The following SCG5 variants were observed in gnomAD, a reference collection of about 807,000 sequenced individuals.
The protein encoded by SCG5 is secretogranin V.
SCG5 carries 18 observed loss-of-function variants against 25.7 expected under a neutral mutation model. That is an observed-to-expected ratio of 0.70 (90% CI 0.48 to 1.04). The LOEUF (loss-of-function observed/expected upper bound fraction) is 1.04, where lower values mean the gene tolerates loss of function less well. Ranked by LOEUF, SCG5 falls within the 50% of genes least tolerant of loss-of-function variation. The pLI is 0.00. For missense variants in SCG5, 206 were observed against 259.8 expected, an observed-to-expected ratio of 0.79 and a Z score of 1.42; for synonymous variants, 101 against 91.7, an observed-to-expected ratio of 1.10 and a Z score of -0.58.
At chr15:32,668,848 C>G (rs1349061261) in intron 2 of SCG5, among the ~76,000 whole-genome samples, 1 of 152,230 alleles carries the variant, frequency 6.6e-6, no homozygotes, top group Non-Finnish European at 1.5e-5. Context: ...CTGCAGATCT[C>G]CTTTACTCGT....
chr15:32,663,066 TATATATATATATAATATATA>T (rs2054257844), intron 2 of SCG5, among the ~76,000 whole-genome samples: 1 of 50,830 alleles, frequency 2.0e-5, no homozygotes, highest in Admixed American at 1.8e-4. Context: ...TATATATATA[TATATATATATATAATATATA>T]ATATGTTATA....
chr15:32,678,288 A>T (rs1437862797), intron 2 of SCG5, among the ~76,000 whole-genome samples: 1 of 152,228 alleles, frequency 6.6e-6, no homozygotes, highest in African/African-American at 2.4e-5. Flanking sequence ...ACATGGGAAA[A>T]TATTTTCAGA....
intron 2 of SCG5, chr15:32,666,537 A>G (rs2054320812): frequency 6.6e-6 from 1 of 152,218 alleles, no homozygotes; most frequent in African/African-American, 2.4e-5. Flanking sequence ...CTATGTTTGT[A>G]CCAGTTAATC....
intron 2 of SCG5, among the ~76,000 whole-genome samples, chr15:32,667,664 T>A (rs1210700160): frequency 7.4e-6 from 1 of 134,648 alleles, no homozygotes; most frequent in Non-Finnish European, 1.5e-5. Context: ...GTTTGGTTTG[T>A]TGTAGTTTTA....
rs67213212 is a variant in SCG5 at position 32,667,111 on chromosome 15, T to TAA, written c.227-12654_227-12653insAA. Among the ~76,000 whole-genome samples the TAA allele has an allele frequency of 5.5e-3, 837 of 152,286 alleles. 8 individuals are homozygous for TAA. Among genetic ancestry groups the TAA allele is most frequent in the African/African-American group, 0.019 (799 of 41,550 alleles). On this transcript the variant is annotated intron_variant, in intron 2 of 5. Coordinates refer to ENST00000300175, the MANE Select transcript of SCG5 (RefSeq NM_001144757.3). The stretch of plus-strand genomic sequence containing the variant: ...ATTTGGATATATTGGGATTAAAAAT[T>TAA]ATTTAATTTCACTATTTCTTTTTAC...
At chr15:32,663,092 TTATA>T (rs1227381254) in intron 2 of SCG5, among the ~76,000 whole-genome samples, 1 of 139,278 alleles carries the variant, frequency 7.2e-6, no homozygotes, top group South Asian at 2.3e-4. Flanking sequence ...ATATAATATG[TTATA>T]TATACACATA....
intron 4 of SCG5, among the ~76,000 whole-genome samples, chr15:32,685,091 A>T (rs2140584329): frequency 6.6e-6 from 1 of 152,366 alleles, no homozygotes; most frequent in South Asian, 2.1e-4. Flanking sequence ...GGGAATAAAG[A>T]TGCCAGAGCT....
intron 2 of SCG5, 59 bp downstream of exon 2, chr15:32,643,877 C>T (rs2053905064): frequency 2.1e-6 from 3 of 1,405,410 alleles, no homozygotes; most frequent in Non-Finnish European, 3.0e-6. Flanking sequence ...AATATATTTG[C>T]ACACTTCTCA....
Position 32,696,535 on chromosome 15 carries a change from G to GGACAGA in SCG5, c.569_574dup (p.Gln190_Arg191dup), listed in dbSNP as rs2054968962. Reference sequence around the variant, plus strand: ...TCAGAGTGTCAATCCATATCTACAAGGACAGAGACTGGATAATGTTGTTGC... The same window carrying GGACAGA: ...TCAGAGTGTCAATCCATATCTACAAGGACAGAGACAGAGACTGGATAATGTTGTTGC... On this transcript the variant is annotated inframe_insertion, in exon 6 of 6. Coordinates refer to ENST00000300175, the MANE Select transcript of SCG5 (RefSeq NM_001144757.3). 1.2e-6 allele frequency: 2 copies of GGACAGA among 1,612,236 alleles called. No homozygotes were observed. Among genetic ancestry groups the GGACAGA allele is most frequent in the African/African-American group, 2.7e-5 (2 of 74,898 alleles).
intron 2 of SCG5, among the ~76,000 whole-genome samples, chr15:32,653,621 T>A (rs927382529): frequency 6.6e-6 from 1 of 152,220 alleles, no homozygotes; most frequent in Non-Finnish European, 1.5e-5. Flanking sequence ...TAAGACAGAC[T>A]GGAGACTTGG....
intron 2 of SCG5, among the ~76,000 whole-genome samples, chr15:32,654,009 C>CA (rs1439919692): frequency 1.3e-5 from 2 of 152,146 alleles, no homozygotes; most frequent in African/African-American, 4.8e-5. Flanking sequence ...GTCTGGGTCT[C>CA]AAATTGTCTT....
intron 4 of SCG5, among the ~76,000 whole-genome samples, chr15:32,687,296 T>C (rs2054732248): frequency 1.3e-5 from 2 of 152,220 alleles, no homozygotes; most frequent in Non-Finnish European, 2.9e-5. Flanking sequence ...GACTTGAGTT[T>C]CTCTCAGTGT....
chr15:32,693,056 T>C (rs1020979828), intron 5 of SCG5, among the ~76,000 whole-genome samples: 40 of 152,154 alleles, frequency 2.6e-4, no homozygotes, highest in African/African-American at 9.4e-4. Flanking sequence ...TGAGGGAACA[T>C]CAAGAAATTC....
intron 2 of SCG5, among the ~76,000 whole-genome samples, chr15:32,657,414 A>G (rs1254540843): frequency 6.6e-6 from 1 of 151,214 alleles, no homozygotes; most frequent in African/African-American, 2.4e-5. Flanking sequence ...GACTGTAATG[A>G]GGATGGATGC....
intron 2 of SCG5, among the ~76,000 whole-genome samples, chr15:32,672,768 G>C (rs1022290984): frequency 2.6e-5 from 4 of 152,130 alleles, no homozygotes; most frequent in African/African-American, 4.8e-5. Context: ...GCACCAACTT[G>C]CTGAGTGGCT....
At chr15:32,693,649 C>T (rs1431264552) in intron 5 of SCG5, among the ~76,000 whole-genome samples, 1 of 152,224 alleles carries the variant, frequency 6.6e-6, no homozygotes, top group Non-Finnish European at 1.5e-5. Context: ...CAGTGAAGCT[C>T]AGCATCTGCT....
At chr15:32,678,132 T>C (rs17841121) in intron 2 of SCG5, among the ~76,000 whole-genome samples, 2,087 of 152,318 alleles carry the variant, frequency 0.014, 41 homozygotes, top group African/African-American at 0.047. Context: ...ATGTCAGTAG[T>C]ACTTCTGAAG....
intron 4 of SCG5, 43 bp from the exon 5 acceptor site, chr15:32,691,667 T>C (rs773308604): frequency 1.3e-6 from 2 of 1,485,180 alleles, no homozygotes; most frequent in African/African-American, 2.8e-5. Flanking sequence ...CCAAATTTGA[T>C]CCATACTTCT....
intron 2 of SCG5, among the ~76,000 whole-genome samples, chr15:32,662,528 G>A (rs1486071413): frequency 6.7e-6 from 1 of 148,728 alleles, no homozygotes; most frequent in African/African-American, 2.4e-5. Flanking sequence ...ACGATGCATT[G>A]CTTCTTTATT....
Sources: gnomAD v4.1 joint callset for allele counts (sites outside exome capture counted in the v4.1 genomes callset) on GRCh38, gnomAD v4.1.1 for gene constraint, MANE v1.5 for transcripts, NCBI Gene and HGNC (gene_info 2026-07-23, HGNC 2026-07-21) for gene names.